Variants in KCNIP4 observed in about 807,000 individuals in gnomAD.
The protein encoded by KCNIP4 is potassium voltage-gated channel interacting protein 4.
A neutral mutation model predicts 34.0 loss-of-function variants in KCNIP4; 12 were observed. The observed-to-expected ratio is 0.35, with a 90% CI of 0.23 to 0.57. The LOEUF is 0.57. KCNIP4 is among the 20% of genes least tolerant of loss of function. The probability of loss-of-function intolerance (pLI) is 0.83; values close to 1 mark genes in which losing one functional copy is unlikely to be tolerated. For synonymous variants in KCNIP4, 124 were observed against 102.2 expected (o/e 1.21, Z -1.29); for missense variants, 238 against 311.7 (o/e 0.76, Z 1.78).
intron 1 of KCNIP4, among the ~76,000 whole-genome samples, chr4:20,897,305 T>A (rs1726656695): frequency 6.6e-6 from 1 of 151,690 alleles, no homozygotes; most frequent in Non-Finnish European, 1.5e-5. Flanking sequence ...CCACTGCTGG[T>A]CACTGTGCCT....
chr4:21,312,473 A>C (rs927038364), intron 1 of KCNIP4, among the ~76,000 whole-genome samples: 9 of 152,152 alleles, frequency 5.9e-5, no homozygotes, highest in Non-Finnish European at 1.5e-5. Context: ...AATCTGCTCA[A>C]ACACCCTCAC....
In KCNIP4 at chr4:20,882,633, G is replaced by A. The variant is rs1306062056; in HGVS notation, c.138C>T (p.Ala46=). 3.1e-6 allele frequency: 5 copies of A among 1,613,158 alleles called. No homozygotes were observed. The highest frequency in any genetic ancestry group is 1.7e-5 in the Admixed American group (1 of 59,934). Residue 46 remains alanine, a synonymous_variant, in exon 2 of 9, where the codon GCC becomes GCT. Transcript: ENST00000382152. ...RLMKLLPCSA[A]KTSSPAIQNS... The stretch of plus-strand genomic sequence containing the variant: ...TTTGAATAGCAGGAGACGACGTTTT[G>A]GCAGCTGAGCAGGGCAAGAGCTTCA...
chr4:21,197,379 G>C (rs1222437342), intron 1 of KCNIP4, among the ~76,000 whole-genome samples: 1 of 152,134 alleles, frequency 6.6e-6, no homozygotes, highest in South Asian at 2.1e-4. Flanking sequence ...CTGTATCCAT[G>C]CCTTCATCAT....
chr4:21,483,314 T>A (rs902654515), intron 1 of KCNIP4, among the ~76,000 whole-genome samples: 1 of 151,992 alleles, frequency 6.6e-6, no homozygotes, highest in African/African-American at 2.4e-5. Flanking sequence ...TAATAAGAAC[T>A]GACGTTTGTT....
chr4:21,898,839 C>A (rs1268455085), intron 1 of KCNIP4, among the ~76,000 whole-genome samples: 1 of 152,238 alleles, frequency 6.6e-6, no homozygotes, highest in East Asian at 1.9e-4. Flanking sequence ...AACAAGTACA[C>A]TCATGTGGTC....
chr4:21,748,080 C>A (rs1348636955), intron 1 of KCNIP4, among the ~76,000 whole-genome samples: 1 of 152,112 alleles, frequency 6.6e-6, no homozygotes, highest in Non-Finnish European at 1.5e-5. Context: ...ATCTGGAGAA[C>A]TGTGAGAGCA....
intron 1 of KCNIP4, among the ~76,000 whole-genome samples, chr4:21,680,629 T>C (rs1044419233): frequency 1.3e-5 from 2 of 152,262 alleles, no homozygotes; most frequent in Non-Finnish European, 2.9e-5. Context: ...TCAAAATTAC[T>C]GTTTGATCCA....
chr4:21,591,040 T>A (rs576397542), intron 1 of KCNIP4, among the ~76,000 whole-genome samples: 5 of 152,030 alleles, frequency 3.3e-5, no homozygotes, highest in Admixed American at 6.6e-5. Flanking sequence ...ATTTAGATGT[T>A]TGAAAAATGT....
At chr4:21,293,339 C>G (rs984597469) in intron 1 of KCNIP4, among the ~76,000 whole-genome samples, 19 of 152,154 alleles carry the variant, frequency 1.2e-4, no homozygotes, top group African/African-American at 4.6e-4. Context: ...GGGTTCAAGT[C>G]TATGGATTTT....
At chr4:21,784,572 G>C (rs1456424645) in intron 1 of KCNIP4, among the ~76,000 whole-genome samples, 1 of 151,910 alleles carries the variant, frequency 6.6e-6, no homozygotes, top group African/African-American at 2.4e-5. Context: ...CTGGAAACTA[G>C]ATAAAAATAA....
intron 3 of KCNIP4, chr4:20,767,342 C>T (rs975876228): frequency 1.3e-5 from 2 of 152,024 alleles, no homozygotes; most frequent in African/African-American, 2.4e-5. Context: ...ATAAAGGCCA[C>T]CATCATGGAA....
intron 1 of KCNIP4, among the ~76,000 whole-genome samples, chr4:21,440,783 T>C (rs1279127160): frequency 6.6e-6 from 1 of 152,224 alleles, no homozygotes; most frequent in Non-Finnish European, 1.5e-5. Flanking sequence ...AATGAAATGA[T>C]TGGGCTTGAG....
intron 3 of KCNIP4, among the ~76,000 whole-genome samples, chr4:20,789,420 T>C (rs180823955): frequency 4.5e-4 from 69 of 152,268 alleles, no homozygotes; most frequent in African/African-American, 1.4e-3. Flanking sequence ...ACAATACAAC[T>C]TTCTAAAAAT....
chr4:21,214,843 T>A (rs563576474), intron 1 of KCNIP4, among the ~76,000 whole-genome samples: 2 of 152,308 alleles, frequency 1.3e-5, no homozygotes, highest in Non-Finnish European at 2.9e-5. Context: ...GGAGGTAATT[T>A]CTTTCTATCC....
At chr4:21,082,333 T>TAA (rs1746073035) in intron 1 of KCNIP4, among the ~76,000 whole-genome samples, 1 of 151,738 alleles carries the variant, frequency 6.6e-6, no homozygotes, top group Non-Finnish European at 1.5e-5. Flanking sequence ...TAGAAGTACT[T>TAA]AAGCAAAGAA....
intron 1 of KCNIP4, among the ~76,000 whole-genome samples, chr4:21,687,503 G>C (rs1291115600): frequency 6.6e-6 from 1 of 151,940 alleles, no homozygotes; most frequent in African/African-American, 2.4e-5. Context: ...TCTAGGCACT[G>C]GATTACGATA....
intron 1 of KCNIP4, among the ~76,000 whole-genome samples, chr4:21,106,795 G>A (rs960043996): frequency 3.3e-5 from 5 of 151,360 alleles, no homozygotes; most frequent in Non-Finnish European, 7.4e-5. Context: ...CTGGTATGTT[G>A]TGTCTTTTTT....
intron 1 of KCNIP4, among the ~76,000 whole-genome samples, chr4:21,001,638 A>T (rs1738146290): frequency 6.6e-6 from 1 of 152,188 alleles, no homozygotes; most frequent in African/African-American, 2.4e-5. Flanking sequence ...TGACAACAGT[A>T]ATTTATTGAG....
chr4:21,511,569 G>A (rs1357514404), intron 1 of KCNIP4, among the ~76,000 whole-genome samples: 2 of 152,036 alleles, frequency 1.3e-5, no homozygotes, highest in Non-Finnish European at 1.5e-5. Context: ...ATAGAGAAAG[G>A]CTTTGTTTGG....
Sources: allele counts gnomAD v4.1 joint callset (sites outside exome capture counted in the v4.1 genomes callset), GRCh38; gene constraint gnomAD v4.1.1; transcripts MANE v1.5; gene names NCBI Gene and HGNC (gene_info 2026-07-23, HGNC 2026-07-21).